Variants in KCNIP1 observed in about 807,000 individuals in gnomAD.
KCNIP1 encodes potassium voltage-gated channel interacting protein 1, also known as A-type potassium channel modulatory protein KCNIP1.
Under a neutral mutation model 33.0 loss-of-function variants are expected in KCNIP1, and 18 were observed. The ratio of observed to expected loss-of-function variants is 0.55; its 90% CI spans 0.38 to 0.81. The LOEUF (loss-of-function observed/expected upper bound fraction) is 0.81. Among genes scored for constraint, KCNIP1 ranks in the 30% least tolerant of loss-of-function variants. KCNIP1 has a pLI of 0.00. For synonymous variants in KCNIP1, 93 were observed against 98.3 expected (o/e 0.95, Z 0.32); for missense variants, 238 against 271.6 (o/e 0.88, Z 0.87).
intron 1 of KCNIP1, among the ~76,000 whole-genome samples, chr5:170,430,614 G>A (rs1755718907): frequency 6.6e-6 from 1 of 152,126 alleles, no homozygotes; most frequent in African/African-American, 2.4e-5. Context: ...ACGTTCATCT[G>A]TCCTCAAGGA....
chr5:170,386,181 G>T (rs775453562), intron 1 of KCNIP1, among the ~76,000 whole-genome samples: 2 of 151,964 alleles, frequency 1.3e-5, no homozygotes, highest in Admixed American at 6.6e-5. Context: ...AGACAATATT[G>T]GATTATCCAT....
chr5:170,566,419 A>G (rs1307736047), intron 1 of KCNIP1, among the ~76,000 whole-genome samples: 3 of 152,158 alleles, frequency 2.0e-5, no homozygotes, highest in African/African-American at 7.2e-5. Flanking sequence ...ATGTATTTTC[A>G]TTTAAGCTTT....
chr5:170,503,825 G>C (rs1441178719), upstream of KCNIP1, among the ~76,000 whole-genome samples: 1 of 151,072 alleles, frequency 6.6e-6, no homozygotes, highest in Non-Finnish European at 1.5e-5. Context: ...CCATCAGCCA[G>C]GTGCCTGGCC....
intron 1 of KCNIP1, among the ~76,000 whole-genome samples, chr5:170,638,509 T>C (rs1170255559): frequency 2.0e-5 from 3 of 152,186 alleles, no homozygotes; most frequent in Non-Finnish European, 4.4e-5. Flanking sequence ...TTGACCGCAA[T>C]GGAATAAGAA....
intron 5 of KCNIP1, among the ~76,000 whole-genome samples, chr5:170,731,360 A>G: frequency 6.6e-6 from 1 of 152,206 alleles, no homozygotes; most frequent in Admixed American, 6.5e-5. Context: ...CTACAAAACA[A>G]CTGACCTGTA....
chr5:170,608,711 G>T (rs564768862), intron 1 of KCNIP1, among the ~76,000 whole-genome samples: 146 of 151,754 alleles, frequency 9.6e-4, no homozygotes, highest in African/African-American at 3.3e-3. Context: ...GGCAGAGGTT[G>T]CAGTGAGCTG....
chr5:170,644,634 G>T (rs1174253069), intron 1 of KCNIP1, among the ~76,000 whole-genome samples: 2 of 152,234 alleles, frequency 1.3e-5, no homozygotes, highest in Non-Finnish European at 2.9e-5. Flanking sequence ...AACTCAAAAT[G>T]ACTGAGGTTT....
At chr5:170,640,583 T>C (rs1431794073) in intron 1 of KCNIP1, among the ~76,000 whole-genome samples, 3 of 152,178 alleles carry the variant, frequency 2.0e-5, no homozygotes, top group Non-Finnish European at 4.4e-5. Flanking sequence ...CTTCAGGCTT[T>C]TGAGCACAGA....
chr5:170,589,901 CTG>C (rs1208532959), intron 1 of KCNIP1, among the ~76,000 whole-genome samples: 1 of 152,148 alleles, frequency 6.6e-6, no homozygotes, highest in African/African-American at 2.4e-5. Flanking sequence ...GCACCAGACT[CTG>C]CAGTCAGTCA....
chr5:170,710,736 G>A (rs1057050481), intron 1 of KCNIP1, among the ~76,000 whole-genome samples: 2 of 152,142 alleles, frequency 1.3e-5, no homozygotes, highest in Admixed American at 6.5e-5. Flanking sequence ...CCCCTGCATA[G>A]GAGAGCTCAC....
At chr5:170,517,211 T>C (rs1755157067) in intron 1 of KCNIP1, among the ~76,000 whole-genome samples, 1 of 152,044 alleles carries the variant, frequency 6.6e-6, no homozygotes, top group South Asian at 2.1e-4. Context: ...TATTTTCACA[T>C]AGTGGTAGGA....
intron 1 of KCNIP1, chr5:170,483,162 C>T (rs1757013152): frequency 7.1e-6 from 3 of 422,064 alleles, no homozygotes; most frequent in Non-Finnish European, 1.4e-5. Context: ...GGAGCTCACT[C>T]GCCCTGCCTC....
intron 1 of KCNIP1, among the ~76,000 whole-genome samples, chr5:170,598,896 T>TGCGCGCGC (rs1554103618): frequency 8.2e-6 from 1 of 121,382 alleles, no homozygotes; most frequent in Non-Finnish European, 1.8e-5. Flanking sequence ...CCGCTGTGTG[T>TGCGCGCGC]GTGTGCGCGT....
chr5:170,637,192 C>T (rs1760319236), intron 1 of KCNIP1, among the ~76,000 whole-genome samples: 1 of 152,138 alleles, frequency 6.6e-6, no homozygotes, highest in Non-Finnish European at 1.5e-5. Flanking sequence ...AAGCACTTCC[C>T]AGCCCCTTAG....
At chr5:170,714,973 C>T (rs1283187071) in intron 1 of KCNIP1, among the ~76,000 whole-genome samples, 13 of 152,254 alleles carry the variant, frequency 8.5e-5, no homozygotes, top group Non-Finnish European at 1.9e-4. Flanking sequence ...CCCAGGCCTT[C>T]ACACTCACTC....
At chr5:170,582,096 G>A (rs767795031) in intron 1 of KCNIP1, among the ~76,000 whole-genome samples, 20 of 152,174 alleles carry the variant, frequency 1.3e-4, no homozygotes, top group Non-Finnish European at 2.5e-4. Flanking sequence ...CACCTCCCAT[G>A]AGGCCCCACC....
intron 1 of KCNIP1, among the ~76,000 whole-genome samples, chr5:170,564,163 CTTATG>C (rs778471189): frequency 6.6e-6 from 1 of 152,154 alleles, no homozygotes; most frequent in Admixed American, 6.6e-5. Flanking sequence ...TTGATACATT[CTTATG>C]TTATCATTTT....
chr5:170,507,746 A>T (rs569847953), intron 1 of KCNIP1, among the ~76,000 whole-genome samples: 5 of 152,264 alleles, frequency 3.3e-5, no homozygotes, highest in Non-Finnish European at 5.9e-5. Flanking sequence ...TATCCAGCCC[A>T]ACCTGGGTGT....
At chr5:170,510,797 C>G (rs567916367) in intron 1 of KCNIP1, among the ~76,000 whole-genome samples, 97 of 152,258 alleles carry the variant, frequency 6.4e-4, no homozygotes, top group South Asian at 1.7e-3. Flanking sequence ...AATCAGGAAG[C>G]TAGAAGTAGG....
Sources: allele counts gnomAD v4.1 joint callset (sites outside exome capture counted in the v4.1 genomes callset), GRCh38; gene constraint gnomAD v4.1.1; transcripts MANE v1.5; gene names NCBI Gene and HGNC (gene_info 2026-07-23, HGNC 2026-07-21).